Variants in SH3BGRL2 observed in about 807,000 individuals in gnomAD.
SH3BGRL2 encodes the protein SH3 domain-binding glutamic acid-rich-like protein 2.
Under a neutral mutation model 14.8 loss-of-function variants are expected in SH3BGRL2, and 21 were observed. That is an observed-to-expected ratio of 1.42 (90% confidence interval 1.01 to 2.05). The LOEUF is 2.05. Among genes scored for constraint, SH3BGRL2 ranks in the 30% most tolerant of loss-of-function variants. The pLI, the probability that SH3BGRL2 is intolerant of heterozygous loss-of-function variation, is 0.00. For missense variants in SH3BGRL2, 147 were observed against 130.8 expected (o/e 1.12, Z -0.61); for synonymous variants, 50 against 47.8 (o/e 1.05, Z -0.19).
the SH3BGRL2 span, among the ~76,000 whole-genome samples, chr6:79,557,889 C>T: frequency 6.6e-6 from 1 of 152,094 alleles, no homozygotes; most frequent in Non-Finnish European, 1.5e-5. Flanking sequence ...ACTAATCAGT[C>T]TGGAATGGAC....
the SH3BGRL2 span, among the ~76,000 whole-genome samples, chr6:79,599,662 A>G: frequency 4.8e-4 from 73 of 152,256 alleles, no homozygotes; most frequent in African/African-American, 1.7e-3. Flanking sequence ...GTACAACCCA[A>G]ACGTCTGTCA....
intron 1 of SH3BGRL2, among the ~76,000 whole-genome samples, chr6:79,644,781 G>T (rs1343299387): frequency 6.6e-6 from 1 of 151,988 alleles, no homozygotes; most frequent in Non-Finnish European, 1.5e-5. Flanking sequence ...ATTGAAGTTG[G>T]CAATAATTTT....
At chr6:79,686,985 CA>C (rs1320934440) in intron 2 of SH3BGRL2, among the ~76,000 whole-genome samples, 11 of 152,238 alleles carry the variant, frequency 7.2e-5, no homozygotes, top group Non-Finnish European at 1.5e-4. Flanking sequence ...TCAGGGTGAC[CA>C]CAGACTGTGC....
intron 2 of SH3BGRL2, among the ~76,000 whole-genome samples, chr6:79,683,947 T>G (rs1213402012): frequency 1.3e-5 from 2 of 152,152 alleles, no homozygotes; most frequent in African/African-American, 4.8e-5. Context: ...GGACAGAAAT[T>G]TTGACCTACG....
chr6:79,651,351 G>A (rs1395304608), intron 1 of SH3BGRL2, among the ~76,000 whole-genome samples: 1 of 152,168 alleles, frequency 6.6e-6, no homozygotes, highest in African/African-American at 2.4e-5. Context: ...TCATCAAATA[G>A]TGGCACCGTA....
intron 2 of SH3BGRL2, 118 bp from the exon 3 acceptor site, chr6:79,696,367 T>G: frequency 1.5e-6 from 1 of 670,856 alleles, no homozygotes; most frequent in South Asian, 2.1e-5. Context: ...AGCTTTTCCC[T>G]GATCTGGACA....
Position 79,701,272 on chromosome 6 carries a change from AT to A in SH3BGRL2, c.*1765del, listed in dbSNP as rs1207757327. On this transcript the variant is annotated 3_prime_UTR_variant, in exon 4 of 4. Transcript: ENST00000369838. The stretch of plus-strand genomic sequence containing the variant: ...TCCAGGAATTTTTTTTTAACTGGAT[AT>A]TGTGTTTGAGTATGTGAGTCTTCTG... The A allele has an allele frequency of 7.2e-5, 11 of 152,074 alleles. No individual in the cohort carries two copies. Among genetic ancestry groups the A allele is most frequent in the African/African-American group, 2.7e-4 (11 of 41,404 alleles). The allele number at this position is 152,074 out of a possible 1,614,324, so 9.4% of individuals were successfully genotyped here.
the SH3BGRL2 span, among the ~76,000 whole-genome samples, chr6:79,577,638 A>C: frequency 6.6e-6 from 1 of 152,350 alleles, no homozygotes; most frequent in Non-Finnish European, 1.5e-5. Context: ...ATTAAAATCT[A>C]AACAAAGGAT....
At chr6:79,688,909 C>T (rs923262443) in intron 2 of SH3BGRL2, among the ~76,000 whole-genome samples, 1 of 151,948 alleles carries the variant, frequency 6.6e-6, no homozygotes, top group African/African-American at 2.4e-5. Context: ...TATTTATGTA[C>T]TTTAGGATTC....
chr6:79,601,805 A>G, the SH3BGRL2 span, among the ~76,000 whole-genome samples: 2 of 152,240 alleles, frequency 1.3e-5, no homozygotes, highest in East Asian at 1.9e-4. Flanking sequence ...CTGAAAATTC[A>G]TTTTTACTAT....
At chr6:79,539,888 C>G in the SH3BGRL2 span, among the ~76,000 whole-genome samples, 1 of 152,126 alleles carries the variant, frequency 6.6e-6, no homozygotes, top group Non-Finnish European at 1.5e-5. Context: ...GTTCAGTCAT[C>G]TATTTCATAC....
chr6:79,566,248 T>C, the SH3BGRL2 span, among the ~76,000 whole-genome samples: 1 of 152,226 alleles, frequency 6.6e-6, no homozygotes, highest in Non-Finnish European at 1.5e-5. Flanking sequence ...TTCTCAAGAA[T>C]GATACCTGGC....
intron 1 of SH3BGRL2, among the ~76,000 whole-genome samples, chr6:79,635,700 C>A (rs888164502): frequency 2.6e-5 from 4 of 152,078 alleles, no homozygotes; most frequent in Admixed American, 2.6e-4. Context: ...TGGAGAGCAA[C>A]CATCACTGGG....
At chr6:79,601,939 A>G in the SH3BGRL2 span, among the ~76,000 whole-genome samples, 3 of 152,176 alleles carry the variant, frequency 2.0e-5, no homozygotes, top group Non-Finnish European at 2.9e-5. Flanking sequence ...CCCCCCACAA[A>G]AAAACCCAGG....
chr6:79,620,452 T>G, the SH3BGRL2 span, among the ~76,000 whole-genome samples: 1 of 152,118 alleles, frequency 6.6e-6, no homozygotes, highest in South Asian at 2.1e-4. Flanking sequence ...TTACTTATGC[T>G]TTAGCACATG....
At chr6:79,681,750 T>C (rs1294187345) in intron 2 of SH3BGRL2, among the ~76,000 whole-genome samples, 1 of 152,158 alleles carries the variant, frequency 6.6e-6, no homozygotes, top group Non-Finnish European at 1.5e-5. Flanking sequence ...GTTTGGGATC[T>C]TTTTTTAAGC....
At chr6:79,654,517 CT>C (rs1206697197) in intron 1 of SH3BGRL2, among the ~76,000 whole-genome samples, 1 of 152,158 alleles carries the variant, frequency 6.6e-6, no homozygotes, top group Non-Finnish European at 1.5e-5. Flanking sequence ...GGTGAACCCC[CT>C]AACTTGAAAT....
In SH3BGRL2 at chr6:79,699,675, C is replaced by A; in HGVS notation, c.*166C>A. The A allele has an allele frequency of 1.0e-6, 1 of 977,520 alleles. No individual in the cohort carries two copies. Among genetic ancestry groups the A allele is most frequent in the Non-Finnish European group, 1.4e-6 (1 of 711,842 alleles). The allele number at this position is 977,520 out of a possible 1,614,324, so 60.6% of individuals were successfully genotyped here. A position where few individuals can be genotyped will look rare whatever the true frequency, so the allele number is the denominator to read the frequency against. ...AAAGATGTGGCTATAATGAGAATTG[C>A]ATGATTGCTTTAAACCAAATCAGGT... On this transcript the variant is annotated 3_prime_UTR_variant, in exon 4 of 4. Transcript: ENST00000369838.
chr6:79,606,549 C>T, the SH3BGRL2 span, among the ~76,000 whole-genome samples: 35 of 152,190 alleles, frequency 2.3e-4, no homozygotes, highest in African/African-American at 7.9e-4. Flanking sequence ...GGCTGGCACA[C>T]CCTTTAGAAG....
Sources: gnomAD v4.1 joint callset for allele counts (sites outside exome capture counted in the v4.1 genomes callset) on GRCh38, gnomAD v4.1.1 for gene constraint, MANE v1.5 for transcripts, NCBI Gene and HGNC (gene_info 2026-07-23, HGNC 2026-07-21) for gene names.